CEP162: variants seen among roughly 807,000 people sequenced by gnomAD.
CEP162 encodes the protein centrosomal protein of 162 kDa.
In CEP162, 141 loss-of-function variants were observed where a neutral mutation model predicts 169.2. The ratio of observed to expected loss-of-function variants is 0.83; its 90% confidence interval spans 0.73 to 0.96. The LOEUF (loss-of-function observed/expected upper bound fraction) is 0.96, where lower values mean the gene tolerates loss of function less well. CEP162 is among the 40% of genes least tolerant of loss of function. The pLI is 0.00. For synonymous variants in CEP162, 540 were observed against 526.4 expected (o/e 1.03, Z -0.35); for missense variants, 1,600 against 1,587.2 (o/e 1.01, Z -0.14).
intron 6 of CEP162, 99 bp from the exon 7 acceptor site, chr6:84,204,195 G>GA: frequency 1.5e-6 from 1 of 649,318 alleles, no homozygotes; most frequent in Non-Finnish European, 2.6e-6. Context: ...GTCTGTATAA[G>GA]AATAGTTTAT....
intron 1 of CEP162, 97 bp from the exon 2 acceptor site, chr6:84,226,549 T>C (rs1018792287): frequency 2.6e-5 from 16 of 609,306 alleles, no homozygotes; most frequent in African/African-American, 2.4e-4. Flanking sequence ...ATTCAGTATA[T>C]ATGCACAATT....
At chr6:84,166,946 A>C (rs1161532002) in intron 18 of CEP162, among the ~76,000 whole-genome samples, 2 of 152,226 alleles carry the variant, frequency 1.3e-5, no homozygotes, top group Non-Finnish European at 2.9e-5. Context: ...TGCACAAAAA[A>C]ATTCCCAAAT....
At chr6:84,140,094 G>A (rs1185815303) in intron 25 of CEP162, among the ~76,000 whole-genome samples, 1 of 152,164 alleles carries the variant, frequency 6.6e-6, no homozygotes, top group Non-Finnish European at 1.5e-5. Context: ...TCTGGTCTCT[G>A]CCAGGTGCAG....
chr6:84,126,719 G>A (rs947626233), intron 25 of CEP162, among the ~76,000 whole-genome samples: 8 of 152,100 alleles, frequency 5.3e-5, no homozygotes, highest in Non-Finnish European at 7.4e-5. Flanking sequence ...AAGAGGTTCC[G>A]GATGAATGGA....
At chr6:84,208,815 C>T (rs1287539943) in intron 6 of CEP162, among the ~76,000 whole-genome samples, 1 of 152,078 alleles carries the variant, frequency 6.6e-6, no homozygotes. Context: ...GTTAAAATCA[C>T]AAGATAGTTA....
chr6:84,200,097 A>G (rs964171459), intron 9 of CEP162, among the ~76,000 whole-genome samples: 2 of 151,892 alleles, frequency 1.3e-5, no homozygotes, highest in African/African-American at 4.8e-5. Flanking sequence ...AAAAAAATAC[A>G]AAAAAATTAG....
At position 84,168,884 on chromosome 6, in the gene CEP162, T is replaced by C. The variant is rs565399483; in HGVS notation, c.2385+444A>G. Reference sequence around the variant, plus strand: ...CTTGTAAGATACAGTCTCTGCTCTCTAGAAGTGCAGTCTACTTCGGAAGAC... The same window carrying C: ...CTTGTAAGATACAGTCTCTGCTCTCCAGAAGTGCAGTCTACTTCGGAAGAC... On this transcript the variant is annotated intron_variant, in intron 18 of 26. Transcript: ENST00000403245. 2.6e-5 allele frequency among the ~76,000 whole-genome samples: 4 copies of C among 152,316 alleles called. No homozygotes were observed. In the South Asian group the frequency reaches 8.3e-4, roughly 32 times the overall value.
chr6:84,193,659 A>G lies in CEP162; in HGVS notation c.1059T>C (p.Pro353=), dbSNP rs1306299312. 1 of 1,568,358 alleles carries G rather than the reference A, an allele frequency of 6.4e-7. No homozygotes were observed. The highest frequency in any genetic ancestry group is 8.7e-7 in the Non-Finnish European group (1 of 1,155,158). ...DLPTVEELMK[P]IRIDSFGISG... is the part of the protein sequence containing the mutation. ...TGATCCCAAAGGAATCTATTCTGAT[A>G]GGTTTCATCAGCTCCTCTACTGTGG... The change falls in exon 11 of 27, where the codon CCT becomes CCC. Residue 353 remains proline (P), a synonymous_variant. Transcript: ENST00000403245.
intron 13 of CEP162, among the ~76,000 whole-genome samples, chr6:84,184,404 C>G (rs2099536216): frequency 6.6e-6 from 1 of 152,114 alleles, no homozygotes; most frequent in African/African-American, 2.4e-5. Flanking sequence ...CCTATTCTCG[C>G]TTACTGCCAT....
intron 13 of CEP162, among the ~76,000 whole-genome samples, chr6:84,180,854 AC>A (rs2099534492): frequency 1.3e-5 from 2 of 152,194 alleles, no homozygotes. Flanking sequence ...GAGGACACAA[AC>A]AAATGGAAGA....
In CEP162 at chr6:84,194,874, A is replaced by G; in HGVS notation, c.1027+10T>C. The G allele has an allele frequency of 1.9e-6, 3 of 1,565,942 alleles. No individual in the cohort carries two copies. Among genetic ancestry groups the G allele is most frequent in the Middle Eastern group, 3.4e-4 (2 of 5,944 alleles). ...TCAAATAATTGAAAAATTCATCTGTAAGTTTTTACCAGATTCCATAGTAGA... is the reference window on the plus strand; with the variant it reads ...TCAAATAATTGAAAAATTCATCTGTGAGTTTTTACCAGATTCCATAGTAGA... On this transcript the variant is annotated intron_variant, in intron 10 of 26. Transcript: ENST00000403245.
intron 23 of CEP162, 146 bp downstream of exon 23, chr6:84,152,399 G>A (rs1016427417): frequency 6.5e-5 from 30 of 465,036 alleles, no homozygotes; most frequent in Middle Eastern, 6.1e-4. Context: ...ACAGACACAT[G>A]CTCAGCAATA....
At chr6:84,218,730 T>C (rs947507435) in intron 3 of CEP162, among the ~76,000 whole-genome samples, 5 of 152,232 alleles carry the variant, frequency 3.3e-5, no homozygotes, top group African/African-American at 1.2e-4. Context: ...ATTTATTTTA[T>C]GCCTTTCTGT....
rs771708429 is a variant in CEP162 at position 84,186,580 on chromosome 6, A to G, written c.1153T>C (p.Ser385Pro). 2 of 1,607,578 alleles carry G rather than the reference A, an allele frequency of 1.2e-6. No homozygotes were observed. The highest frequency in any genetic ancestry group is 1.7e-6 in the Non-Finnish European group (2 of 1,177,130). The part of the protein sequence containing the change: ...AERKETEFFS[S>P]LPLKMNPNIL... ...TTTGGGTTCATCTTCAGGGGTAAAG[A>G]GCTAAAAAATTCAGTTTCTTTTCTT... The change falls in exon 12 of 27, where the codon TCT (serine) becomes CCT (proline). Residue 385 changes from serine to proline, a missense_variant. Ser to Pro is a moderately conservative substitution (Grantham distance 74). Coordinates refer to ENST00000403245, the MANE Select transcript of CEP162 (RefSeq NM_014895.4).
chr6:84,175,877 T>G (rs939482876), intron 13 of CEP162, among the ~76,000 whole-genome samples: 7 of 152,080 alleles, frequency 4.6e-5, no homozygotes, highest in African/African-American at 1.7e-4. Flanking sequence ...AAATCAGATT[T>G]TAAAAGATTA....
intron 23 of CEP162, 142 bp downstream of exon 23, chr6:84,152,403 A>T (rs955655329): frequency 6.3e-6 from 3 of 479,940 alleles, no homozygotes; most frequent in African/African-American, 6.1e-5. Context: ...ACACATGCTC[A>T]GCAATATAAT....
chr6:84,198,145 T>A (rs929878346), intron 9 of CEP162, among the ~76,000 whole-genome samples: 1 of 152,216 alleles, frequency 6.6e-6, no homozygotes, highest in African/African-American at 2.4e-5. Context: ...AATTAACCAA[T>A]GTTTAAGTTA....
intron 8 of CEP162, among the ~76,000 whole-genome samples, chr6:84,201,457 G>T (rs2099544482): frequency 6.6e-6 from 1 of 151,772 alleles, no homozygotes; most frequent in African/African-American, 2.4e-5. Flanking sequence ...CGATGTAGAA[G>T]ACAGTAGGCT....
At chr6:84,203,901 T>C in intron 7 of CEP162, 80 bp downstream of exon 7, 1 of 638,128 alleles carries the variant, frequency 1.6e-6, no homozygotes, top group Non-Finnish European at 2.6e-6. Context: ...ACTCCATTTT[T>C]TGAGCTCTTC....
Sources: gnomAD v4.1 joint callset for allele counts (sites outside exome capture counted in the v4.1 genomes callset) on GRCh38, gnomAD v4.1.1 for gene constraint, MANE v1.5 for transcripts, NCBI Gene and HGNC (gene_info 2026-07-23, HGNC 2026-07-21) for gene names.